ZDHHC3: variants seen among roughly 807,000 people sequenced by gnomAD.
ZDHHC3 encodes palmitoyltransferase ZDHHC3.
A neutral mutation model predicts 30.6 loss-of-function variants in ZDHHC3; 9 were observed. The observed-to-expected ratio is 0.29, with a 90% CI of 0.18 to 0.51. The LOEUF is 0.51. ZDHHC3 is among the 20% of genes least tolerant of loss of function. The pLI, the probability that ZDHHC3 is intolerant of heterozygous loss-of-function variation, is 0.97. For synonymous variants in ZDHHC3, 136 were observed against 140.2 expected (o/e 0.97, Z 0.21); for missense variants, 246 against 384.2 (o/e 0.64, Z 3.01).
In ZDHHC3 at chr3:44,955,109, G is replaced by T. The variant is rs549269832; in HGVS notation, c.306+4022C>A. ...AAACATGAGCCTGACTTGTGCTCCT[G>T]CCCACACCCATGCTGCCTCCAGGCC... is the stretch of plus-strand genomic sequence containing the variant. On this transcript the variant is annotated intron_variant, in intron 2 of 6. Coordinates refer to ENST00000424952, the MANE Select transcript of ZDHHC3 (RefSeq NM_001135179.2). 3.3e-5 allele frequency among the ~76,000 whole-genome samples: 5 copies of T among 152,286 alleles called. No homozygotes were observed. The South Asian group carries it at 1.0e-3, about 32-fold the overall frequency.
chr3:44,926,813 C>A lies in ZDHHC3; in HGVS notation c.776G>T (p.Trp259Leu). Residue 259 changes from tryptophan to leucine, a missense_variant, in exon 7 of 7, where the codon TGG (tryptophan) becomes TTG (leucine). Physicochemically the swap from Trp to Leu is moderately conservative, Grantham distance 61. Coordinates refer to ENST00000424952, the MANE Select transcript of ZDHHC3 (RefSeq NM_001135179.2). ...IEQLKKEERR[W>L]AKKTKWMNMK... The stretch of plus-strand genomic sequence containing the variant: ...GTTCATCCATTTTGTTTTTTTAGCC[C>A]ATCTTCTCTCTTCCTTTTTCAATTG... The A allele has an allele frequency of 6.2e-7, 1 of 1,612,438 alleles. No individual in the cohort carries two copies. The highest frequency in any genetic ancestry group is 8.5e-7 in the Non-Finnish European group (1 of 1,179,502).
At chr3:44,944,016 G>A (rs563865830) in intron 3 of ZDHHC3, among the ~76,000 whole-genome samples, 1 of 152,296 alleles carries the variant, frequency 6.6e-6, no homozygotes, top group South Asian at 2.1e-4. Context: ...TCACTTTGTT[G>A]CACAGGCTGG....
chr3:44,922,287 AGACT>A lies in ZDHHC3; in HGVS notation c.*4398_*4401del. The A allele has an allele frequency of 1.0e-6, 1 of 985,434 alleles. No individual in the cohort carries two copies. Among genetic ancestry groups the A allele is most frequent in the Non-Finnish European group, 1.2e-6 (1 of 829,930 alleles). 61.0% of individuals were successfully genotyped at this position (985,434 alleles called of 1,614,324 possible). The stretch of plus-strand genomic sequence containing the variant: ...AGGCTGCTACAATGCCCCTGGCTCT[AGACT>A]ACTCACCGGCCGCCGCTCCCATCTG... On this transcript the variant is annotated 3_prime_UTR_variant, in exon 7 of 7. Transcript: ENST00000424952.
chr3:44,920,936 C>T lies in ZDHHC3; in HGVS notation c.*5753G>A. ...CCGATGTATAAAAATGGGCTGAGGG[C>T]TGCTTTTTCCTGGTAGGACTCAATT... On this transcript the variant is annotated 3_prime_UTR_variant, in exon 7 of 7. Transcript: ENST00000424952. The T allele has an allele frequency of 1.4e-5, 14 of 985,362 alleles. No individual in the cohort carries two copies. Among genetic ancestry groups the T allele is most frequent in the Non-Finnish European group, 1.7e-5 (14 of 829,910 alleles). The allele number at this position is 985,362 out of a possible 1,614,324, so 61.0% of individuals were successfully genotyped here.
At chr3:44,951,906 C>T (rs765004353) in intron 2 of ZDHHC3, among the ~76,000 whole-genome samples, 4 of 151,978 alleles carry the variant, frequency 2.6e-5, no homozygotes, top group South Asian at 2.1e-4. Flanking sequence ...CTTGGAATCC[C>T]GCCCATCCAG....
Position 44,959,202 on chromosome 3 carries a change from T to A in ZDHHC3, c.235A>T (p.Asn79Tyr). 6.2e-7 allele frequency: 1 copy of A among 1,614,242 alleles called. No individual in the cohort carries two copies. Among genetic ancestry groups the A allele is most frequent in the Non-Finnish European group, 8.5e-7 (1 of 1,180,042 alleles). Residue 79 changes from asparagine (N) to tyrosine (Y), a missense_variant, in exon 2 of 7, where the codon AAC (asparagine) becomes TAC (tyrosine). Physicochemically the swap from Asn to Tyr is moderately radical, Grantham distance 143 (BLOSUM62 -2). Transcript: ENST00000424952. This position sits in a 1 kb window ranked among gnomAD's most constrained non-coding sequence, Gnocchi z 4.3. ...GCCAGCAGGTTGAACACAATTCCGT[T>A]GATGATGCTATACACGTAGTCTCGA... ...PSRDYVYSII[N>Y]GIVFNLLAFL...
chr3:44,943,372 G>A (rs1451403179), intron 3 of ZDHHC3, among the ~76,000 whole-genome samples: 2 of 152,148 alleles, frequency 1.3e-5, no homozygotes, highest in Non-Finnish European at 2.9e-5. Flanking sequence ...CAGCAATCCC[G>A]ATTTCCAGGG....
chr3:44,932,131 GAGT>G (rs1378654990), intron 5 of ZDHHC3, among the ~76,000 whole-genome samples: 2 of 152,100 alleles, frequency 1.3e-5, no homozygotes, highest in South Asian at 2.1e-4. Flanking sequence ...GCCACATCTG[GAGT>G]AGATCTGGTT....
intron 2 of ZDHHC3, among the ~76,000 whole-genome samples, chr3:44,957,867 T>A (rs950342274): frequency 1.3e-5 from 2 of 152,252 alleles, no homozygotes; most frequent in African/African-American, 4.8e-5. Flanking sequence ...TGGGGCTTAG[T>A]AGACAGTAAA....
rs1256969160 is a variant in ZDHHC3 at position 44,916,893 on chromosome 3, C to T, written c.*9796G>A. On this transcript the variant is annotated 3_prime_UTR_variant, in exon 7 of 7. Coordinates refer to ENST00000424952, the MANE Select transcript of ZDHHC3 (RefSeq NM_001135179.2). ...CATCTGATTCATCAATCAGCAGACC[C>T]TGGCCATCACCCATCTTTTCAGAGA... 6.6e-6 allele frequency: 1 copy of T among 152,136 alleles called. No individual in the cohort carries two copies. Among genetic ancestry groups the T allele is most frequent in the African/African-American group, 2.4e-5 (1 of 41,402 alleles). The allele number at this position is 152,136 out of a possible 1,614,324, so 9.4% of individuals were successfully genotyped here. A position where few individuals can be genotyped will look rare whatever the true frequency, so the allele number is the denominator to read the frequency against.
intron 4 of ZDHHC3, chr3:44,933,579 G>C: frequency 1.9e-6 from 1 of 534,356 alleles, no homozygotes; most frequent in Non-Finnish European, 3.4e-6. Flanking sequence ...CCACCTACCT[G>C]CACCTCAGGA....
In ZDHHC3 at chr3:44,918,242, G is replaced by T. The variant is rs1575742434; in HGVS notation, c.*8447C>A. 3 of 1,217,282 alleles carry T rather than the reference G, an allele frequency of 2.5e-6. No individual in the cohort carries two copies. Among genetic ancestry groups the T allele is most frequent in the Non-Finnish European group, 3.2e-6 (3 of 949,332 alleles). The allele number at this position is 1,217,282 out of a possible 1,614,324, so 75.4% of individuals were successfully genotyped here. On this transcript the variant is annotated 3_prime_UTR_variant, in exon 7 of 7. Coordinates refer to ENST00000424952, the MANE Select transcript of ZDHHC3 (RefSeq NM_001135179.2). ...TATAGCATAGCAGTGGCGGGGGGGG[G>T]GGCGGGGTGTCCACGGCATGGGTAA...
At chr3:44,961,081 C>T (rs1224871368) in intron 1 of ZDHHC3, among the ~76,000 whole-genome samples, 1 of 152,236 alleles carries the variant, frequency 6.6e-6, no homozygotes, top group Non-Finnish European at 1.5e-5. Context: ...AACAAGAAGT[C>T]ATGACACATA....
intron 2 of ZDHHC3, among the ~76,000 whole-genome samples, chr3:44,947,025 A>C (rs1235677411): frequency 6.6e-6 from 1 of 152,238 alleles, no homozygotes; most frequent in African/African-American, 2.4e-5. Context: ...TCCAGTAAGG[A>C]AAAACTGAAT....
chr3:44,965,025 G>C (rs1359923960), intron 1 of ZDHHC3, among the ~76,000 whole-genome samples: 1 of 152,166 alleles, frequency 6.6e-6, no homozygotes, highest in Non-Finnish European at 1.5e-5. Context: ...GCCCAGAGGT[G>C]TTCTGGAGCT....
chr3:44,945,034 G>A, intron 3 of ZDHHC3, 134 bp downstream of exon 3: 1 of 1,292,670 alleles, frequency 7.7e-7, no homozygotes, highest in Non-Finnish European at 1.1e-6. Context: ...CCCAGAGCAG[G>A]GGACATTTGG....
rs138205075 is a variant in ZDHHC3 at position 44,964,816 on chromosome 3, T to C, written c.-24-5356A>G. 6.5e-3 allele frequency among the ~76,000 whole-genome samples: 988 copies of C among 152,346 alleles called. 5 individuals carry two copies. Among genetic ancestry groups the C allele is most frequent in the Non-Finnish European group, 0.011 (718 of 68,026 alleles). ...AATGATCATTTTGTAACTTGAATTA[T>C]AGTAATCTATATTGAAGTTTTTTGG... On this transcript the variant is annotated intron_variant, in intron 1 of 6. Coordinates refer to ENST00000424952, the MANE Select transcript of ZDHHC3 (RefSeq NM_001135179.2).
intron 2 of ZDHHC3, among the ~76,000 whole-genome samples, chr3:44,951,023 A>G (rs541575801): frequency 2.6e-5 from 4 of 152,376 alleles, no homozygotes; most frequent in South Asian, 2.1e-4. Flanking sequence ...TGGTTTTAAG[A>G]AAGAAAATAC....
intron 3 of ZDHHC3, among the ~76,000 whole-genome samples, chr3:44,942,621 CAGCCTTTA>C (rs1702540482): frequency 6.6e-6 from 1 of 152,218 alleles, no homozygotes; most frequent in South Asian, 2.1e-4. Flanking sequence ...TGTTCTGGTC[CAGCCTTTA>C]TAAACCCAGC....
Sources: gnomAD v4.1 joint callset for allele counts (sites outside exome capture counted in the v4.1 genomes callset) on GRCh38, gnomAD v4.1.1 for gene constraint, Gnocchi (gnomAD v3.1) non-coding constraint, MANE v1.5 for transcripts, NCBI Gene and HGNC (gene_info 2026-07-23, HGNC 2026-07-21) for gene names.